ARHGAP39: variants seen among roughly 807,000 people sequenced by gnomAD.
ARHGAP39 encodes the protein Rho GTPase activating protein 39.
ARHGAP39 carries 44 observed loss-of-function variants against 106.9 expected under a neutral mutation model. That is an observed-to-expected ratio of 0.41 (90% CI 0.32 to 0.53). The LOEUF is 0.53. Ranked by LOEUF, ARHGAP39 falls within the 20% of genes least tolerant of loss-of-function variation. ARHGAP39 has a pLI of 0.21. For missense variants in ARHGAP39, 1,496 were observed against 1,577.3 expected (o/e 0.95, Z 0.87); for synonymous variants, 768 against 693.2 (o/e 1.11, Z -1.69).
In ARHGAP39 at chr8:144,647,323, C is replaced by T. The variant is rs1430193599; in HGVS notation, c.-82+38363G>A. ...GGCCCCAGTAAGAGCAGGGAAGGGA[C>T]GAACAGCCCATCCTCACATGAAACC... On this transcript the variant is annotated intron_variant, in intron 1 of 11. Coordinates refer to ENST00000377307, the MANE Select transcript of ARHGAP39 (RefSeq NM_025251.3). The surrounding 1 kb of genome is among the most constrained non-coding windows in gnomAD (Gnocchi z 4.8). 2.0e-5 allele frequency among the ~76,000 whole-genome samples: 3 copies of T among 152,086 alleles called. No individual in the cohort carries two copies. The highest frequency in any genetic ancestry group is 2.1e-4 in the South Asian group (1 of 4,826).
intron 1 of ARHGAP39, among the ~76,000 whole-genome samples, chr8:144,656,336 T>A (rs949831654): frequency 4.6e-5 from 7 of 152,042 alleles, no homozygotes; most frequent in South Asian, 4.1e-4. Context: ...CTACAAAATT[T>A]AAAAAAATAA....
chr8:144,667,185 C>A (rs1481674098), intron 1 of ARHGAP39, among the ~76,000 whole-genome samples: 1 of 152,234 alleles, frequency 6.6e-6, no homozygotes, highest in Non-Finnish European at 1.5e-5. Context: ...CCACCCGCAC[C>A]CCCATTGCCT....
At position 144,581,173 on chromosome 8, in the gene ARHGAP39, T is replaced by C. The variant is rs770638324; in HGVS notation, c.185A>G (p.Lys62Arg). Residue 62 changes from lysine (K) to arginine (R), a missense_variant, in exon 3 of 12, where the codon AAG becomes AGG. Transcript: ENST00000377307. ...CCACCACTGGTTCTCGCTGGTGCGCTTGATGCGGACGCCGGCCGGCGGGTC... is the reference window on the plus strand; with the variant it reads ...CCACCACTGGTTCTCGCTGGTGCGCCTGATGCGGACGCCGGCCGGCGGGTC... ...VWDPPAGVRI[K>R]RTSENQWWEL... 1.9e-5 allele frequency: 30 copies of C among 1,568,916 alleles called. No individual in the cohort carries two copies. Among genetic ancestry groups the C allele is most frequent in the Middle Eastern group, 3.4e-4 (2 of 5,890 alleles).
At chr8:144,643,111 G>A (rs1055116878) in intron 1 of ARHGAP39, among the ~76,000 whole-genome samples, 1 of 152,248 alleles carries the variant, frequency 6.6e-6, no homozygotes. Flanking sequence ...CTCTTCTGTA[G>A]AGTAGCCCTC....
chr8:144,540,357 C>T (rs770083230), intron 6 of ARHGAP39, among the ~76,000 whole-genome samples: 3 of 152,218 alleles, frequency 2.0e-5, no homozygotes, highest in Non-Finnish European at 2.9e-5. Flanking sequence ...TATCACAGCA[C>T]TGTGCACCAC....
At chr8:144,692,263 C>A in the ARHGAP39 span, among the ~76,000 whole-genome samples, 1 of 152,030 alleles carries the variant, frequency 6.6e-6, no homozygotes, top group South Asian at 2.1e-4. Context: ...TGCAGGGGCT[C>A]CCCAATGCCC....
intron 2 of ARHGAP39, among the ~76,000 whole-genome samples, chr8:144,600,727 T>C (rs989433556): frequency 6.9e-6 from 1 of 144,280 alleles, no homozygotes; most frequent in Non-Finnish European, 1.5e-5. Context: ...TACCTGAGTG[T>C]GCGTGTTCAA....
intron 1 of ARHGAP39, among the ~76,000 whole-genome samples, chr8:144,662,318 C>G (rs907900833): frequency 6.6e-6 from 1 of 150,734 alleles, no homozygotes; most frequent in Admixed American, 6.6e-5. Context: ...ACCACTCCCC[C>G]TCCCTACTAT....
intron 10 of ARHGAP39, among the ~76,000 whole-genome samples, chr8:144,531,418 ACAG>A (rs1816721489): frequency 6.5e-4 from 1 of 1,532 alleles, no homozygotes. Context: ...GCAGAAGGGC[ACAG>A]GGCAGGGAGC....
chr8:144,676,292 AAC>A (rs1822236427), intron 1 of ARHGAP39, among the ~76,000 whole-genome samples: 1 of 152,186 alleles, frequency 6.6e-6, no homozygotes. Context: ...CCTTCAGCTA[AAC>A]ACAGAGTGCT....
chr8:144,573,483 C>A (rs922109752), intron 3 of ARHGAP39, among the ~76,000 whole-genome samples: 1 of 152,004 alleles, frequency 6.6e-6, no homozygotes, highest in Non-Finnish European at 1.5e-5. Context: ...GGAGGGACAG[C>A]GTTAGGAGAA....
In ARHGAP39 at chr8:144,645,754, G is replaced by A. The variant is rs1821428087; in HGVS notation, c.-82+39932C>T. 1.3e-5 allele frequency among the ~76,000 whole-genome samples: 2 copies of A among 152,338 alleles called. No individual in the cohort carries two copies. Among genetic ancestry groups the A allele is most frequent in the South Asian group, 4.1e-4 (2 of 4,826 alleles). On this transcript the variant is annotated intron_variant, in intron 1 of 11. Coordinates refer to ENST00000377307, the MANE Select transcript of ARHGAP39 (RefSeq NM_025251.3). The surrounding 1 kb of genome is among the most constrained non-coding windows in gnomAD (Gnocchi z 4.4). ...AGAGCGATACACCTTGGATGGCAGA[G>A]GTTTATTTTGTGTGGAATCCCAACA...
intron 1 of ARHGAP39, among the ~76,000 whole-genome samples, chr8:144,613,272 T>A (rs1193415559): frequency 1.3e-5 from 2 of 152,252 alleles, no homozygotes; most frequent in Non-Finnish European, 2.9e-5. Flanking sequence ...TTAAATATCA[T>A]GTATTTACCC....
intron 3 of ARHGAP39, among the ~76,000 whole-genome samples, chr8:144,580,006 T>C (rs188083092): frequency 1.2e-4 from 18 of 151,658 alleles, no homozygotes; most frequent in Non-Finnish European, 2.1e-4. Flanking sequence ...ACTGTCCTGC[T>C]GGCCTGCCGC....
intron 3 of ARHGAP39, among the ~76,000 whole-genome samples, chr8:144,573,015 T>G (rs1463712905): frequency 1.3e-5 from 2 of 152,186 alleles, no homozygotes; most frequent in Non-Finnish European, 2.9e-5. Flanking sequence ...GACTGTAAAC[T>G]AGTTCAACCA....
chr8:144,535,206 G>A (rs925533898), intron 7 of ARHGAP39, among the ~76,000 whole-genome samples: 1 of 152,214 alleles, frequency 6.6e-6, no homozygotes, highest in Non-Finnish European at 1.5e-5. Context: ...CTGAGGGCAT[G>A]GGGTCCTTGG....
intron 3 of ARHGAP39, among the ~76,000 whole-genome samples, chr8:144,576,742 C>T (rs57369062): frequency 0.093 from 14,108 of 152,222 alleles, 1,536 homozygotes; most frequent in African/African-American, 0.26. Flanking sequence ...GAGGTTCCAG[C>T]GCAGCAGCAC....
At chr8:144,561,588 CCCAGTGGTTTCCATCGCGCT>C (rs879696497) in intron 3 of ARHGAP39, among the ~76,000 whole-genome samples, 2,701 of 113,790 alleles carry the variant, frequency 0.024, 42 homozygotes, top group Non-Finnish European at 0.04. Flanking sequence ...TCCATCGGAC[CCCAGTGGTTTCCATCGCGCT>C]CCAGTGGTTT....
At chr8:144,553,456 G>A (rs1025412649) in intron 4 of ARHGAP39, among the ~76,000 whole-genome samples, 9 of 152,344 alleles carry the variant, frequency 5.9e-5, no homozygotes, top group East Asian at 3.9e-4. Flanking sequence ...GACTGAGAAC[G>A]TCTCAGGACA....
Sources: gnomAD v4.1 joint callset for allele counts (sites outside exome capture counted in the v4.1 genomes callset) on GRCh38, gnomAD v4.1.1 for gene constraint, Gnocchi (gnomAD v3.1) non-coding constraint, MANE v1.5 for transcripts, NCBI Gene and HGNC (gene_info 2026-07-23, HGNC 2026-07-21) for gene names.